POLD1: variants seen among roughly 807,000 people sequenced by gnomAD.
POLD1 encodes DNA polymerase delta catalytic subunit.
In POLD1, 79 loss-of-function variants were observed where a neutral mutation model predicts 129.7. The observed-to-expected ratio is 0.61, with a 90% CI of 0.51 to 0.73. The LOEUF (loss-of-function observed/expected upper bound fraction) is 0.73, where lower values mean the gene tolerates loss of function less well. Ranked by LOEUF, POLD1 falls within the 30% of genes least tolerant of loss-of-function variation. The pLI, the probability that POLD1 is intolerant of heterozygous loss-of-function variation, is 0.00. For missense variants in POLD1, 1,338 were observed against 1,595.8 expected (o/e 0.84, Z 2.75); for synonymous variants, 714 against 683.3 (o/e 1.04, Z -0.70).
intron 3 of POLD1, among the ~76,000 whole-genome samples, chr19:50,400,401 A>G (rs10423249): frequency 0.033 from 4,944 of 148,120 alleles, 293 homozygotes; most frequent in African/African-American, 0.11. Context: ...TTATATTTTT[A>G]GTAGAGACAG....
chr19:50,401,559 A>G (rs2038630083), intron 3 of POLD1, among the ~76,000 whole-genome samples: 1 of 151,692 alleles, frequency 6.6e-6, no homozygotes, highest in African/African-American at 2.4e-5. Context: ...TTATCTTGTA[A>G]TAAAAAAGAA....
chr19:50,409,740 G>T lies in POLD1; in HGVS notation c.2154+74G>T. 6.7e-7 allele frequency: 1 copy of T among 1,481,714 alleles called. No homozygotes were observed. Among genetic ancestry groups the T allele is most frequent in the Non-Finnish European group, 9.1e-7 (1 of 1,098,856 alleles). 91.8% of individuals were successfully genotyped at this position (1,481,714 alleles called of 1,614,324 possible). ...GTGTAGGAGACCAGGGCTCCATGTG[G>T]GGGACCTGTATCCAGAGGACTGGGC... On this transcript the variant is annotated intron_variant, in intron 17 of 26. Coordinates refer to ENST00000440232, the MANE Select transcript of POLD1 (RefSeq NM_002691.4). The surrounding 1 kb of genome is among the most constrained non-coding windows in gnomAD (Gnocchi z 5.8).
rs960226186 is a variant in POLD1, at chr19:50,403,196, G to A, written c.1114G>A (p.Glu372Lys). ...CCTGGGTGCCAAGGTGCAGAGCTACGAGAAGGAGGAGGACCTGCTGCAGGT... is the reference window on the plus strand; with the variant it reads ...CCTGGGTGCCAAGGTGCAGAGCTACAAGAAGGAGGAGGACCTGCTGCAGGT... ...PILGAKVQSY[E>K]KEEDLLQAWS... Residue 372 changes from glutamate (E) to lysine (K), a missense_variant, in exon 9 of 27, where the codon GAG becomes AAG. By Grantham distance (56) the Glu-to-Lys change is moderately conservative. This residue lies in a region of POLD1 where 720 missense variants were observed against 1,002.6 expected (regional missense o/e 0.72). Coordinates refer to ENST00000440232, the MANE Select transcript of POLD1 (RefSeq NM_002691.4). 8 of 1,560,606 alleles carry A rather than the reference G, an allele frequency of 5.1e-6. No individual in the cohort carries two copies. The highest frequency in any genetic ancestry group is 5.2e-6 in the Non-Finnish European group (6 of 1,151,882).
chr19:50,416,724 G>A lies in POLD1; in HGVS notation c.3067+1G>A. The A allele has an allele frequency of 1.3e-6, 2 of 1,531,786 alleles. No individual in the cohort carries two copies. The highest frequency in any genetic ancestry group is 1.8e-6 in the Non-Finnish European group (2 of 1,142,286). The allele number at this position is 1,531,786 out of a possible 1,614,324, so 94.9% of individuals were successfully genotyped here. ...TGCCGCACAGTGCTCAGCCACCAGGGTGAGCGGCCCTGGCCACTGGGCCCC... is the reference window on the plus strand; with the variant it reads ...TGCCGCACAGTGCTCAGCCACCAGGATGAGCGGCCCTGGCCACTGGGCCCC... On this transcript the variant is annotated splice_donor_variant, in intron 24 of 26. Coordinates refer to ENST00000440232, the MANE Select transcript of POLD1 (RefSeq NM_002691.4). LOFTEE classifies it high-confidence loss of function.
chr19:50,407,563 A>G, intron 14 of POLD1, 148 bp downstream of exon 14: 1 of 396,114 alleles, frequency 2.5e-6, no homozygotes, highest in Non-Finnish European at 4.4e-6. Context: ...ATTTATTTTT[A>G]TTTTTATTTT....
rs754716741 is a variant in POLD1 at position 50,398,953 on chromosome 19, C to T, written c.102C>T (p.Phe34=). 2.1e-5 allele frequency: 33 copies of T among 1,585,842 alleles called. No individual in the cohort carries two copies. The Admixed American group carries it at 2.4e-4, about 11-fold the overall frequency. ...DDDDAPRPSQ[F]EEDLALMEEM... is the part of the protein sequence containing the mutation. ...ATGATGCACCTCGGCCATCCCAATT[C>T]GAGGAGGACCTGGCACTGATGGAGG... Residue 34 remains phenylalanine (F), a synonymous_variant, in exon 2 of 27, where the codon TTC becomes TTT. Coordinates refer to ENST00000440232, the MANE Select transcript of POLD1 (RefSeq NM_002691.4).
chr19:50,397,763 ATGTGTTTTGTGT>A (rs1341665545), intron 1 of POLD1, among the ~76,000 whole-genome samples: 1 of 152,130 alleles, frequency 6.6e-6, no homozygotes, highest in Non-Finnish European at 1.5e-5. Context: ...AGCAGTCTGT[ATGTGTTTTGTGT>A]TGTGTTTTGT....
intron 1 of POLD1, among the ~76,000 whole-genome samples, chr19:50,386,934 T>C (rs1274493867): frequency 6.6e-6 from 1 of 152,232 alleles, no homozygotes; most frequent in Non-Finnish European, 1.5e-5. Flanking sequence ...GGCTAAGGCC[T>C]GTAATCCCAG....
rs1203165864 is a variant in POLD1, at chr19:50,401,391, ATTTTTT to A, written c.317-368_317-363del. 2.4e-3 allele frequency among the ~76,000 whole-genome samples: 160 copies of A among 65,882 alleles called. 1 individual carries two copies. Among genetic ancestry groups the A allele is most frequent in the South Asian group, 8.3e-3 (14 of 1,696 alleles). The allele number at this position is 65,882 out of a possible 152,430, so 43.2% of individuals were successfully genotyped here. Reference sequence around the variant, plus strand: ...TGTATATATATATATATATATATATATTTTTTTTTTTTTTTTTTTTTTTTCTTTTTT... The same window carrying A: ...TGTATATATATATATATATATATATATTTTTTTTTTTTTTTTTTCTTTTTT... On this transcript the variant is annotated intron_variant, in intron 3 of 26. Coordinates refer to ENST00000440232, the MANE Select transcript of POLD1 (RefSeq NM_002691.4).
In POLD1 at chr19:50,401,794, G is replaced by T. The variant is rs779898994; in HGVS notation, c.333G>T (p.Val111=). The part of the protein sequence containing the change: ...IDHYVGPAQP[V]PGGPPPSRGS... ...ACCCCACAGGCCCAGCGCAGCCTGT[G>T]CCTGGGGGGCCCCCACCATCCCGCG... The change falls in exon 4 of 27, where the codon GTG becomes GTT. Residue 111 remains valine (V), a synonymous_variant. Transcript: ENST00000440232. The T allele has an allele frequency of 6.2e-7, 1 of 1,612,832 alleles. No individual in the cohort carries two copies.
chr19:50,400,696 T>C lies in POLD1; in HGVS notation c.317-1082T>C, dbSNP rs987208221. Among the ~76,000 whole-genome samples, 7 of 149,810 alleles carry C rather than the reference T, an allele frequency of 4.7e-5. No individual in the cohort carries two copies. The South Asian group carries it at 6.3e-4, about 14-fold the overall frequency. On this transcript the variant is annotated intron_variant, in intron 3 of 26. Transcript: ENST00000440232. ...ACAGGTGTGCACCACAATGTCTGGC[T>C]AACTTTTTTTTTTTTTTTGAGACGG... is the stretch of plus-strand genomic sequence containing the variant.
Position 50,409,336 on chromosome 19 carries a change from C to T in POLD1, c.2006+101C>T, listed in dbSNP as rs2039011231. On this transcript the variant is annotated intron_variant, in intron 16 of 26. Coordinates refer to ENST00000440232, the MANE Select transcript of POLD1 (RefSeq NM_002691.4). The surrounding 1 kb of genome is among the most constrained non-coding windows in gnomAD (Gnocchi z 5.8). ...ACCCCAGGGCTGCCCAGCCACCCTGCCCTCAGCTGTGCGTGAATTAGCACA... is the reference window on the plus strand; with the variant it reads ...ACCCCAGGGCTGCCCAGCCACCCTGTCCTCAGCTGTGCGTGAATTAGCACA... 10 of 1,213,372 alleles carry T rather than the reference C, an allele frequency of 8.2e-6. No homozygotes were observed. The highest frequency in any genetic ancestry group is 1.1e-5 in the Non-Finnish European group (9 of 836,902). 75.2% of individuals were successfully genotyped at this position (1,213,372 alleles called of 1,614,324 possible).
chr19:50,416,722 G>C lies in POLD1; in HGVS notation c.3066G>C (p.Gln1022His). Residue 1022 changes from glutamine to histidine, a missense_variant and splice_region_variant, in exon 24 of 27, where the codon CAG becomes CAC. Physicochemically the swap from Gln to His is conservative, Grantham distance 24. Coordinates refer to ENST00000440232, the MANE Select transcript of POLD1 (RefSeq NM_002691.4). ...GCTGCCGCACAGTGCTCAGCCACCA[G>C]GGTGAGCGGCCCTGGCCACTGGGCC... ...CIGCRTVLSH[Q>H]GAVCEFCQPR... The C allele has an allele frequency of 6.5e-7, 1 of 1,534,486 alleles. No individual in the cohort carries two copies. The highest frequency in any genetic ancestry group is 8.7e-7 in the Non-Finnish European group (1 of 1,144,538).
chr19:50,409,289 A>C lies in POLD1; in HGVS notation c.2006+54A>C. ...CTCAGACCTGTTGGGGCCTCTGGGC[A>C]ATCCCTGTCCCTCACTGGGACACCC... is the stretch of plus-strand genomic sequence containing the variant. On this transcript the variant is annotated intron_variant, in intron 16 of 26. Coordinates refer to ENST00000440232, the MANE Select transcript of POLD1 (RefSeq NM_002691.4). The surrounding 1 kb of genome is among the most constrained non-coding windows in gnomAD (Gnocchi z 5.8). The C allele has an allele frequency of 5.9e-6, 8 of 1,365,784 alleles. No individual in the cohort carries two copies. The highest frequency in any genetic ancestry group is 8.3e-6 in the Non-Finnish European group (8 of 959,246). 84.6% of individuals were successfully genotyped at this position (1,365,784 alleles called of 1,614,324 possible).
chr19:50,409,117 C>T lies in POLD1; in HGVS notation c.1893-5C>T. On this transcript the variant is annotated splice_region_variant and splice_polypyrimidine_tract_variant and intron_variant, in intron 15 of 26. Coordinates refer to ENST00000440232, the MANE Select transcript of POLD1 (RefSeq NM_002691.4). This position sits in a 1 kb window ranked among gnomAD's most constrained non-coding sequence, Gnocchi z 5.8. ...CGGCAGTCACCCCAACATCTTCCAA[C>T]CCAGCCTGACTGAGGATCAGTTCAT... is the stretch of plus-strand genomic sequence containing the variant. The T allele has an allele frequency of 6.2e-7, 1 of 1,601,420 alleles. No homozygotes were observed. Among genetic ancestry groups the T allele is most frequent in the Non-Finnish European group, 8.6e-7 (1 of 1,168,700 alleles).
At chr19:50,417,793 G>A (rs1347485321) in intron 26 of POLD1, 49 bp from the exon 27 acceptor site, 1 of 1,201,530 alleles carries the variant, frequency 8.3e-7, no homozygotes, top group South Asian at 1.3e-5. Context: ...TCCCAGGCTG[G>A]GCACTGGGCC....
intron 3 of POLD1, among the ~76,000 whole-genome samples, chr19:50,400,040 C>T (rs1251827604): frequency 6.6e-6 from 1 of 151,430 alleles, no homozygotes; most frequent in African/African-American, 2.4e-5. Context: ...GTCTTGAACT[C>T]CTGACCTCAA....
Position 50,392,011 on chromosome 19 carries a change from C to G in POLD1, c.-1-6840C>G, listed in dbSNP as rs2038193468. 2.0e-5 allele frequency among the ~76,000 whole-genome samples: 3 copies of G among 152,246 alleles called. No homozygotes were observed. The South Asian group carries it at 6.2e-4, about 32-fold the overall frequency. On this transcript the variant is annotated intron_variant, in intron 1 of 26. Coordinates refer to ENST00000440232, the MANE Select transcript of POLD1 (RefSeq NM_002691.4). ...GGATTACAGGCGTGAGCCACTGCAC[C>G]TGGCCCATCATTTTACTTTTTTAAT...
rs1555789811 is a variant in POLD1, at chr19:50,401,918, C to T, written c.457C>T (p.Pro153Ser). Residue 153 changes from proline (P) to serine (S), a missense_variant, in exon 4 of 27, where the codon CCC becomes TCC. Pro to Ser is a moderately conservative substitution (Grantham distance 74). Around this residue, in one of 3 missense-constraint regions of POLD1, gnomAD observed 332 missense variants for 315.7 expected, o/e 1.05. Coordinates refer to ENST00000440232, the MANE Select transcript of POLD1 (RefSeq NM_002691.4). ...CGCTCCCTACTTCTACACCCCAGCG[C>T]CCCCTGGTGAGTGGCCCCTACCCAG... ...GFAPYFYTPAPPGFGPEHMGD... is the reference protein window; with the variant it reads ...GFAPYFYTPASPGFGPEHMGD... 1 of 1,614,026 alleles carries T rather than the reference C, an allele frequency of 6.2e-7. No individual in the cohort carries two copies. The highest frequency in any genetic ancestry group is 8.5e-7 in the Non-Finnish European group (1 of 1,179,942).
Sources: gnomAD v4.1 joint callset for allele counts (sites outside exome capture counted in the v4.1 genomes callset) on GRCh38, gnomAD v4.1.1 for gene constraint, gnomAD v4.1.1 regional missense constraint, Gnocchi (gnomAD v3.1) non-coding constraint, MANE v1.5 for transcripts, NCBI Gene and HGNC (gene_info 2026-07-23, HGNC 2026-07-21) for gene names.